Variants in AGBL5 observed in about 807,000 individuals in gnomAD.
The protein encoded by AGBL5 is AGBL carboxypeptidase 5.
In AGBL5, 51 loss-of-function variants were observed where a neutral mutation model predicts 88.0. The observed-to-expected ratio is 0.58, with a 90% CI of 0.46 to 0.73. The LOEUF (loss-of-function observed/expected upper bound fraction) is 0.73, where lower values mean the gene tolerates loss of function less well. AGBL5 is among the 30% of genes least tolerant of loss of function. The pLI, the probability that AGBL5 is intolerant of heterozygous loss-of-function variation, is 0.00. For synonymous variants in AGBL5, 446 were observed against 438.8 expected (o/e 1.02, Z -0.21); for missense variants, 1,031 against 1,162.2 (o/e 0.89, Z 1.64).
chr2:27,051,860 TTC>T (rs1172382980), intron 1 of AGBL5, 67 bp downstream of exon 1: 3 of 12,498 alleles, frequency 2.4e-4, no homozygotes, highest in Admixed American at 8.8e-4. Flanking sequence ...CCCCGCCCCC[TTC>T]TCTCAGCCCC....
At chr2:27,051,351 A>C (rs1290221945), upstream of AGBL5, 1 of 152,238 alleles carries the variant, frequency 6.6e-6, no homozygotes, top group Non-Finnish European at 1.5e-5. Context: ...GCAGTGGGCT[A>C]CGTGTTTCAT....
chr2:27,057,205 T>G, intron 8 of AGBL5, 98 bp from the exon 9 acceptor site: 1 of 1,353,526 alleles, frequency 7.4e-7, no homozygotes. Flanking sequence ...TTCACTTTTT[T>G]CCAAGTGATT....
rs1668280509 is a variant in AGBL5 at position 27,053,499 on chromosome 2, G to A, written c.313G>A (p.Gly105Ser). ...CAAGCAGAGCAAGCTGTATTCCCAG[G>A]GCATGGCCCCCTTTGTGCGCACACT... ...MNKQSKLYSQ[G>S]MAPFVRTLPT... The change falls in exon 3 of 15, where the codon GGC (glycine) becomes AGC (serine). Residue 105 changes from glycine to serine, a missense_variant. Physicochemically the swap from Gly to Ser is moderately conservative, Grantham distance 56 (BLOSUM62 0). This residue lies in a region of AGBL5 where 540 missense variants were observed against 678.2 expected (regional missense o/e 0.80). Transcript: ENST00000360131. This position sits in a 1 kb window ranked among gnomAD's most constrained non-coding sequence, Gnocchi z 4.9. 1 of 1,613,960 alleles carries A rather than the reference G, an allele frequency of 6.2e-7. No homozygotes were observed. Among genetic ancestry groups the A allele is most frequent in the African/African-American group, 1.3e-5 (1 of 74,876 alleles).
At chr2:27,058,206 C>T (rs567168597) in intron 9 of AGBL5, among the ~76,000 whole-genome samples, 194 bp from the exon 10 acceptor site, 31 of 152,326 alleles carry the variant, frequency 2.0e-4, no homozygotes, top group Non-Finnish European at 4.4e-4. Context: ...AAGAGGGCCC[C>T]CAAATTGGCG....
chr2:27,053,539 G>A lies in AGBL5; in HGVS notation c.353G>A (p.Arg118His), dbSNP rs200969045. 7.7e-5 allele frequency: 124 copies of A among 1,613,726 alleles called. No homozygotes were observed. The highest frequency in any genetic ancestry group is 9.8e-5 in the Non-Finnish European group (116 of 1,179,948). Residue 118 changes from arginine (R) to histidine (H), a missense_variant, in exon 3 of 15, where the codon CGC becomes CAC. By Grantham distance (29) the Arg-to-His change is conservative. Around this residue, in one of 2 missense-constraint regions of AGBL5, gnomAD observed 540 missense variants for 678.2 expected, o/e 0.80. Coordinates refer to ENST00000360131, the MANE Select transcript of AGBL5 (RefSeq NM_021831.6). This position sits in a 1 kb window ranked among gnomAD's most constrained non-coding sequence, Gnocchi z 4.9. ...PFVRTLPTRPRWERIRDRPTF... is the reference protein window; with the variant it reads ...PFVRTLPTRPHWERIRDRPTF... Reference sequence around the variant, plus strand: ...GTGCGCACACTGCCCACCCGGCCACGCTGGGAACGCATTCGAGACCGGCCC... The same window carrying A: ...GTGCGCACACTGCCCACCCGGCCACACTGGGAACGCATTCGAGACCGGCCC...
intron 9 of AGBL5, 116 bp from the exon 10 acceptor site, chr2:27,058,284 A>G (rs1414518634): frequency 9.9e-6 from 12 of 1,208,502 alleles, no homozygotes; most frequent in Non-Finnish European, 1.3e-5. Context: ...AGGGCATCCA[A>G]TGAGCAAATT....
intron 14 of AGBL5, 34 bp downstream of exon 14, chr2:27,069,740 C>T: frequency 6.3e-7 from 1 of 1,587,576 alleles, no homozygotes; most frequent in Middle Eastern, 1.7e-4. Flanking sequence ...CACACCACCC[C>T]TCACTTCTGT....
At chr2:27,059,000 T>C (rs1410699468) in intron 10 of AGBL5, among the ~76,000 whole-genome samples, 190 bp from the exon 11 acceptor site, 1 of 152,128 alleles carries the variant, frequency 6.6e-6, no homozygotes, top group African/African-American at 2.4e-5. Context: ...CCTTAAGACA[T>C]TTTGAGATTA....
intron 14 of AGBL5, 32 bp downstream of exon 14, chr2:27,069,738 C>G: frequency 1.9e-6 from 3 of 1,587,756 alleles, no homozygotes; most frequent in African/African-American, 2.7e-5. Context: ...CTCACACCAC[C>G]CCTCACTTCT....
chr2:27,058,518 T>C lies in AGBL5; in HGVS notation c.1790T>C (p.Val597Ala), dbSNP rs200845963. 1.2e-6 allele frequency: 2 copies of C among 1,614,210 alleles called. No homozygotes were observed. The highest frequency in any genetic ancestry group is 4.5e-5 in the East Asian group (2 of 44,890). Residue 597 changes from valine (V) to alanine (A), a missense_variant, in exon 10 of 15, where the codon GTA (valine) becomes GCA (alanine). By Grantham distance (64) the Val-to-Ala change is moderately conservative (BLOSUM62 0). This residue lies in a region of AGBL5 where 491 missense variants were observed against 484.0 expected (regional missense o/e 1.01). Coordinates refer to ENST00000360131, the MANE Select transcript of AGBL5 (RefSeq NM_021831.6). ...TNLRAWMLKHVRNSRGLSSTL... is the reference protein window; with the variant it reads ...TNLRAWMLKHARNSRGLSSTL... Reference sequence around the variant, plus strand: ...CTACGGGCCTGGATGCTGAAACATGTACGCAACAGCCGAGGCCTAAGCAGC... The same window carrying C: ...CTACGGGCCTGGATGCTGAAACATGCACGCAACAGCCGAGGCCTAAGCAGC...
At chr2:27,056,830 T>A in intron 8 of AGBL5, 38 bp downstream of exon 8, 1 of 1,563,812 alleles carries the variant, frequency 6.4e-7, no homozygotes, top group Non-Finnish European at 8.7e-7. Flanking sequence ...TGAAATAGCT[T>A]CCCTAAAGAA....
At chr2:27,060,981 C>G (rs1572825638) in intron 11 of AGBL5, 2 of 152,312 alleles carry the variant, frequency 1.3e-5, no homozygotes, top group East Asian at 3.9e-4. Context: ...GATTGCACAG[C>G]TGTTCCAACT....
chr2:27,068,616 T>G lies in AGBL5; in HGVS notation c.2243-16T>G, dbSNP rs768784004. ...CTCTGTGACCCCTACCCTGATCAGTTTCCTCTGTTCCCTAGGGAGCAGTTG... is the reference window on the plus strand; with the variant it reads ...CTCTGTGACCCCTACCCTGATCAGTGTCCTCTGTTCCCTAGGGAGCAGTTG... On this transcript the variant is annotated splice_polypyrimidine_tract_variant and intron_variant, in intron 12 of 14. Coordinates refer to ENST00000360131, the MANE Select transcript of AGBL5 (RefSeq NM_021831.6). 5.0e-6 allele frequency: 8 copies of G among 1,612,328 alleles called. No individual in the cohort carries two copies. Among genetic ancestry groups the G allele is most frequent in the Non-Finnish European group, 6.8e-6 (8 of 1,178,766 alleles).
chr2:27,067,728 C>T (rs576669944), intron 12 of AGBL5, 82 bp downstream of exon 12: 1 of 1,496,726 alleles, frequency 6.7e-7, no homozygotes, highest in Admixed American at 1.7e-5. Context: ...AGTTGGGAGA[C>T]CAGGGGCATC....
At position 27,053,404 on chromosome 2, in the gene AGBL5, C is replaced by G; in HGVS notation, c.218C>G (p.Ser73Ter). The G allele has an allele frequency of 2.5e-6, 4 of 1,613,904 alleles. No homozygotes were observed. The highest frequency in any genetic ancestry group is 2.5e-6 in the Non-Finnish European group (3 of 1,179,898). Residue 73 changes from serine to a stop codon, truncating the protein, a stop_gained and splice_region_variant, in exon 3 of 15, where the codon TCA (serine) becomes TGA (stop). Coordinates refer to ENST00000360131, the MANE Select transcript of AGBL5 (RefSeq NM_021831.6). LOFTEE classifies it high-confidence loss of function. This position sits in a 1 kb window ranked among gnomAD's most constrained non-coding sequence, Gnocchi z 4.9. ...AETEFENGNR[S>*]WFYFSVRGGM... ...CTCTCTCTTACTCTGGTCCTCAGGT[C>G]ATGGTTCTACTTCAGCGTCCGGGGA...
upstream of AGBL5, among the ~76,000 whole-genome samples, chr2:27,051,221 T>C (rs1413822913): frequency 6.6e-6 from 1 of 152,158 alleles, no homozygotes; most frequent in Non-Finnish European, 1.5e-5. Context: ...GGCGGGGGAT[T>C]AGCTCAAATG....
In AGBL5 at chr2:27,053,845, C is replaced by G; in HGVS notation, c.388-51C>G. 1 of 1,570,334 alleles carries G rather than the reference C, an allele frequency of 6.4e-7. No individual in the cohort carries two copies. The highest frequency in any genetic ancestry group is 8.7e-7 in the Non-Finnish European group (1 of 1,154,178). On this transcript the variant is annotated intron_variant, in intron 3 of 14. Coordinates refer to ENST00000360131, the MANE Select transcript of AGBL5 (RefSeq NM_021831.6). The surrounding 1 kb of genome is among the most constrained non-coding windows in gnomAD (Gnocchi z 4.9). ...GTTCCTGGTGGTCCCAGTAGGAGCT[C>G]AGTTCTGACAATGGCATGTTGCCCC... is the stretch of plus-strand genomic sequence containing the variant.
Position 27,053,601 on chromosome 2 carries a change from G to A in AGBL5, c.387+28G>A, listed in dbSNP as rs199619795. The A allele has an allele frequency of 6.3e-7, 1 of 1,589,644 alleles. No individual in the cohort carries two copies. Among genetic ancestry groups the A allele is most frequent in the Non-Finnish European group, 8.5e-7 (1 of 1,169,996 alleles). ...AAGTTCTCCATGAGGAGGAAAGAAA[G>A]ACTTGGGTGCTAAAAGTAGAGAGGA... On this transcript the variant is annotated intron_variant, in intron 3 of 14. Transcript: ENST00000360131. The surrounding 1 kb of genome is among the most constrained non-coding windows in gnomAD (Gnocchi z 4.9).
intron 11 of AGBL5, among the ~76,000 whole-genome samples, chr2:27,065,682 A>G (rs1668950392): frequency 6.7e-6 from 1 of 149,176 alleles, no homozygotes; most frequent in Non-Finnish European, 1.5e-5. Context: ...TACTAGCCAC[A>G]CAAACAAAGG....
Sources: allele counts gnomAD v4.1 joint callset (sites outside exome capture counted in the v4.1 genomes callset), GRCh38; gene constraint gnomAD v4.1.1; regional missense constraint gnomAD v4.1.1; non-coding constraint Gnocchi (gnomAD v3.1); transcripts MANE v1.5; gene names NCBI Gene and HGNC (gene_info 2026-07-23, HGNC 2026-07-21).